TULP4: variants seen among roughly 807,000 people sequenced by gnomAD.
The protein encoded by TULP4 is tubby-related protein 4.
In TULP4, 16 loss-of-function variants were observed where a neutral mutation model predicts 129.0. The observed-to-expected ratio is 0.12, with a 90% confidence interval of 0.08 to 0.19. The LOEUF is 0.19. TULP4 is among the 10% of genes least tolerant of loss of function. The pLI, the probability that TULP4 is intolerant of heterozygous loss-of-function variation, is 1.00. For synonymous variants in TULP4, 998 were observed against 854.0 expected, an observed-to-expected ratio of 1.17 and a Z score of -2.94; for missense variants, 1,842 against 2,059.1, an observed-to-expected ratio of 0.89 and a Z score of 2.04.
chr6:158,413,328 T>G lies in TULP4; in HGVS notation c.381+135T>G. ...CTGGGGGAAGAGAAATCAATCAAAT[T>G]AGAATCCTACTTTTCATTTCTCTCA... On this transcript the variant is annotated intron_variant, in intron 2 of 13. Coordinates refer to ENST00000367097, the MANE Select transcript of TULP4 (RefSeq NM_020245.5). The surrounding 1 kb of genome is among the most constrained non-coding windows in gnomAD (Gnocchi z 4.9). 1 of 1,065,556 alleles carries G rather than the reference T, an allele frequency of 9.4e-7. No homozygotes were observed. The highest frequency in any genetic ancestry group is 1.3e-6 in the Non-Finnish European group (1 of 776,156). 66.0% of individuals were successfully genotyped at this position (1,065,556 alleles called of 1,614,324 possible).
rs527298800 is a variant in TULP4, at chr6:158,480,644, G to T, written c.1252-411G>T. ...CTTCTTCTGAGTAGCAGACCCATTTGTTGGTTACTTTTTTCCTGAAACATC... is the reference window on the plus strand; with the variant it reads ...CTTCTTCTGAGTAGCAGACCCATTTTTTGGTTACTTTTTTCCTGAAACATC... On this transcript the variant is annotated intron_variant, in intron 7 of 13. Coordinates refer to ENST00000367097, the MANE Select transcript of TULP4 (RefSeq NM_020245.5). Among the ~76,000 whole-genome samples the T allele has an allele frequency of 1.7e-4, 26 of 151,902 alleles. No homozygotes were observed. The South Asian group carries it at 5.4e-3, about 32-fold the overall frequency.
chr6:158,504,072 A>G lies in TULP4; in HGVS notation c.4409A>G (p.Lys1470Arg). ...SQGFVYVMANKQPLWNEATQV... is the reference protein window; with the variant it reads ...SQGFVYVMANRQPLWNEATQV... ...GGCTTCGTGTACGTGATGGCCAACA[A>G]GCAGCCGCTGTGGAACGAGGCCACC... Residue 1470 changes from lysine to arginine, a missense_variant, in exon 13 of 14, where the codon AAG becomes AGG. Transcript: ENST00000367097. 6.2e-7 allele frequency: 1 copy of G among 1,608,772 alleles called. No homozygotes were observed.
intron 1 of TULP4, among the ~76,000 whole-genome samples, chr6:158,393,266 C>T (rs1777630153): frequency 6.6e-6 from 1 of 152,186 alleles, no homozygotes; most frequent in South Asian, 2.1e-4. Context: ...GGGTACAGCC[C>T]CCATGGCTGC....
chr6:158,482,948 C>T (rs1348369307), intron 8 of TULP4, among the ~76,000 whole-genome samples: 1 of 152,202 alleles, frequency 6.6e-6, no homozygotes, highest in Non-Finnish European at 1.5e-5. Context: ...GTATCAAACA[C>T]AGACCCACTC....
At chr6:158,249,888 A>G (rs1198656544) in intron 1 of TULP4, among the ~76,000 whole-genome samples, 4 of 152,246 alleles carry the variant, frequency 2.6e-5, no homozygotes, top group African/African-American at 9.6e-5. Context: ...GTAGTCAATG[A>G]TAGTGAGAAT....
At chr6:158,504,355 T>C (rs1423091822) in intron 13 of TULP4, among the ~76,000 whole-genome samples, 177 bp downstream of exon 13, 1 of 151,824 alleles carries the variant, frequency 6.6e-6, no homozygotes, top group East Asian at 1.9e-4. Flanking sequence ...TTGTATTTTT[T>C]TTTTTCTTTT....
At chr6:158,257,599 A>G (rs262825) in intron 1 of TULP4, among the ~76,000 whole-genome samples, 69,814 of 151,900 alleles carry the variant, frequency 0.46, 16,389 homozygotes, top group East Asian at 0.54. Context: ...TTTCTCTAAT[A>G]TGATGTCCCT....
intron 1 of TULP4, among the ~76,000 whole-genome samples, chr6:158,407,181 G>A (rs370541395): frequency 1.3e-3 from 202 of 152,330 alleles, no homozygotes; most frequent in African/African-American, 4.7e-3. Flanking sequence ...GAGAAACTCA[G>A]TAATAGTAAA....
At chr6:158,307,215 A>T (rs936188065) in intron 1 of TULP4, among the ~76,000 whole-genome samples, 2 of 152,168 alleles carry the variant, frequency 1.3e-5, no homozygotes, top group Non-Finnish European at 2.9e-5. Flanking sequence ...AGGTTCTCAT[A>T]TTTGCTTCTA....
At chr6:158,398,126 A>G (rs941778539) in intron 1 of TULP4, among the ~76,000 whole-genome samples, 1 of 152,198 alleles carries the variant, frequency 6.6e-6, no homozygotes, top group Non-Finnish European at 1.5e-5. Context: ...CCATAAAACA[A>G]TAGGTCTGTG....
At chr6:158,273,464 A>C (rs538006336) in intron 1 of TULP4, among the ~76,000 whole-genome samples, 9 of 152,176 alleles carry the variant, frequency 5.9e-5, no homozygotes, top group Non-Finnish European at 1.3e-4. Context: ...TATGTCGATG[A>C]CACTGACTTA....
At chr6:158,489,556 C>T in intron 8 of TULP4, 32 bp from the exon 9 acceptor site, 1 of 1,613,334 alleles carries the variant, frequency 6.2e-7, no homozygotes, top group South Asian at 1.1e-5. Flanking sequence ...GATATAACTT[C>T]CCTTGAAATC....
chr6:158,499,204 T>C (rs542302089), intron 12 of TULP4, among the ~76,000 whole-genome samples: 1 of 152,308 alleles, frequency 6.6e-6, no homozygotes, highest in East Asian at 1.9e-4. Flanking sequence ...CCAGCTTTCA[T>C]CCTTTCAGTC....
rs937697155 is a variant in TULP4, at chr6:158,352,432, C to T, written c.252+38164C>T. ...TCTTTTTTTGAGACGGAGTCTTACT[C>T]CGTCACCAGGCTGGAGTGCAGTGGC... On this transcript the variant is annotated intron_variant, in intron 1 of 13. Transcript: ENST00000367097. Among the ~76,000 whole-genome samples, 18 of 152,274 alleles carry T rather than the reference C, an allele frequency of 1.2e-4. No homozygotes were observed. The South Asian group carries it at 2.5e-3, about 21-fold the overall frequency.
chr6:158,246,023 G>GGGTGTGTGTGTGTGTGTGT (rs113914160), intron 1 of TULP4, among the ~76,000 whole-genome samples: 1 of 145,918 alleles, frequency 6.9e-6, no homozygotes, highest in South Asian at 2.3e-4. Flanking sequence ...ACCCCTTAGG[G>GGGTGTGTGTGTGTGTGTGT]GTGTGTGTGT....
chr6:158,357,171 C>T (rs1780669163), intron 1 of TULP4, among the ~76,000 whole-genome samples: 1 of 152,182 alleles, frequency 6.6e-6, no homozygotes, highest in Non-Finnish European at 1.5e-5. Context: ...TCTGGATATG[C>T]TATTGCTAGG....
At chr6:158,233,959 C>T (rs1777643216) in intron 1 of TULP4, among the ~76,000 whole-genome samples, 1 of 151,698 alleles carries the variant, frequency 6.6e-6, no homozygotes, top group Admixed American at 6.6e-5. Context: ...TGTTGGCTTC[C>T]GGAGTTAAAG....
chr6:158,254,269 A>T (rs1778204615), intron 1 of TULP4, among the ~76,000 whole-genome samples: 1 of 152,026 alleles, frequency 6.6e-6, no homozygotes, highest in Non-Finnish European at 1.5e-5. Context: ...CAGCCTCCTG[A>T]ATAGCTGGGA....
intron 1 of TULP4, among the ~76,000 whole-genome samples, chr6:158,263,388 T>A (rs1778385847): frequency 6.6e-6 from 1 of 152,222 alleles, no homozygotes; most frequent in Non-Finnish European, 1.5e-5. Context: ...TATTATCCTC[T>A]GCTTAATTTA....
Sources: allele counts gnomAD v4.1 joint callset (sites outside exome capture counted in the v4.1 genomes callset), GRCh38; gene constraint gnomAD v4.1.1; non-coding constraint Gnocchi (gnomAD v3.1); transcripts MANE v1.5; gene names NCBI Gene and HGNC (gene_info 2026-07-23, HGNC 2026-07-21).